Variants in ACOXL observed in about 807,000 individuals in gnomAD.
ACOXL encodes acyl-coenzyme A oxidase-like protein.
Under a neutral mutation model 71.9 loss-of-function variants are expected in ACOXL, and 70 were observed. The ratio of observed to expected loss-of-function variants is 0.97; its 90% CI spans 0.80 to 1.19. The LOEUF (loss-of-function observed/expected upper bound fraction) is 1.19, where lower values mean the gene tolerates loss of function less well. Ranked by LOEUF, ACOXL falls within the 50% of genes most tolerant of loss-of-function variation. The pLI, the probability that ACOXL is intolerant of heterozygous loss-of-function variation, is 0.00. For missense variants in ACOXL, 703 were observed against 736.3 expected (o/e 0.95, Z 0.52); for synonymous variants, 253 against 281.6 (o/e 0.90, Z 1.02).
intron 2 of ACOXL, among the ~76,000 whole-genome samples, chr2:110,778,872 A>G (rs896710079): frequency 2.0e-5 from 3 of 152,240 alleles, no homozygotes; most frequent in Non-Finnish European, 4.4e-5. Flanking sequence ...ATTAATTTCC[A>G]TTAAAATGAA....
chr2:110,814,326 G>A (rs1182867233), intron 9 of ACOXL, among the ~76,000 whole-genome samples: 2 of 152,140 alleles, frequency 1.3e-5, no homozygotes, highest in South Asian at 2.1e-4. Flanking sequence ...GGGATCAGGA[G>A]TAAGAGGGGA....
chr2:110,835,470 C>G (rs1444695902), intron 9 of ACOXL, among the ~76,000 whole-genome samples: 2 of 152,166 alleles, frequency 1.3e-5, no homozygotes, highest in Non-Finnish European at 2.9e-5. Context: ...CTTGAGGAAG[C>G]TGGCTGCATC....
chr2:110,762,411 T>G (rs1680523166), intron 1 of ACOXL, among the ~76,000 whole-genome samples: 2 of 151,932 alleles, frequency 1.3e-5, no homozygotes, highest in Non-Finnish European at 2.9e-5. Flanking sequence ...ATTTCTCTTA[T>G]TTTTTTTGTT....
At chr2:110,946,134 C>A (rs957984420) in intron 12 of ACOXL, among the ~76,000 whole-genome samples, 2 of 152,108 alleles carry the variant, frequency 1.3e-5, no homozygotes, top group African/African-American at 4.8e-5. Flanking sequence ...TAGCTTTATT[C>A]TTTTTGTGGC....
chr2:111,022,941 G>A (rs1429667546), intron 14 of ACOXL, among the ~76,000 whole-genome samples: 1 of 152,230 alleles, frequency 6.6e-6, no homozygotes, highest in Non-Finnish European at 1.5e-5. Context: ...GGTGGTTACT[G>A]GCTAGGCAGT....
intron 15 of ACOXL, among the ~76,000 whole-genome samples, chr2:111,048,676 T>A (rs1203093510): frequency 6.6e-6 from 1 of 152,138 alleles, no homozygotes; most frequent in East Asian, 1.9e-4. Context: ...CTCGTAAATC[T>A]TCTTGGGTTT....
At chr2:110,851,370 C>T (rs377438796) in intron 10 of ACOXL, among the ~76,000 whole-genome samples, 1 of 152,052 alleles carries the variant, frequency 6.6e-6, no homozygotes, top group African/African-American at 2.4e-5. Context: ...TTTCCAAGTG[C>T]TTCTGGGTAT....
At chr2:110,945,481 T>A (rs1454322247) in intron 12 of ACOXL, among the ~76,000 whole-genome samples, 1 of 152,176 alleles carries the variant, frequency 6.6e-6, no homozygotes, top group Non-Finnish European at 1.5e-5. Context: ...TTTTAGGTTT[T>A]ATATTTAATC....
intron 16 of ACOXL, among the ~76,000 whole-genome samples, chr2:111,056,314 A>T (rs914692092): frequency 3.3e-5 from 5 of 151,862 alleles, no homozygotes; most frequent in African/African-American, 4.8e-5. Flanking sequence ...GAAGCCCGGG[A>T]TACTTCACTC....
intron 14 of ACOXL, among the ~76,000 whole-genome samples, chr2:111,004,970 T>C (rs559420533): frequency 2.0e-5 from 3 of 152,226 alleles, no homozygotes; most frequent in Non-Finnish European, 4.4e-5. Context: ...TGTAGTTCTA[T>C]GAGGTAAGTC....
At chr2:111,004,509 A>G (rs1317302474) in intron 14 of ACOXL, among the ~76,000 whole-genome samples, 1 of 152,118 alleles carries the variant, frequency 6.6e-6, no homozygotes, top group Non-Finnish European at 1.5e-5. Context: ...TGGAGCCAGG[A>G]AATGCCCTTC....
At chr2:111,088,335 C>T (rs576079185) in intron 16 of ACOXL, among the ~76,000 whole-genome samples, 2 of 152,316 alleles carry the variant, frequency 1.3e-5, no homozygotes, top group South Asian at 2.1e-4. Context: ...CATAAGGATA[C>T]ATGCATGCCT....
intron 10 of ACOXL, among the ~76,000 whole-genome samples, chr2:110,862,097 C>T (rs879922105): frequency 2.6e-5 from 4 of 152,206 alleles, no homozygotes; most frequent in Non-Finnish European, 5.9e-5. Flanking sequence ...AATAGTGAGG[C>T]CTTCGAACCG....
chr2:110,810,639 T>TCATC (rs773348069), intron 9 of ACOXL, among the ~76,000 whole-genome samples: 6 of 152,006 alleles, frequency 3.9e-5, no homozygotes, highest in African/African-American at 4.8e-5. Context: ...CACCCATCCA[T>TCATC]CATCCATCCA....
chr2:111,107,397 A>G (rs2069619528), intron 17 of ACOXL, among the ~76,000 whole-genome samples: 1 of 152,220 alleles, frequency 6.6e-6, no homozygotes, highest in African/African-American at 2.4e-5. Context: ...TGTACTTAGT[A>G]GGAGAAATAG....
Position 110,831,781 on chromosome 2 carries a change from T to C in ACOXL, c.754-9590T>C, listed in dbSNP as rs1293504307. 2.0e-5 allele frequency among the ~76,000 whole-genome samples: 3 copies of C among 152,044 alleles called. No individual in the cohort carries two copies. In the East Asian group the frequency reaches 5.8e-4, roughly 29 times the overall value. ...CATCCCAGAAATAGAACCAAACCAATTGCCCGTTGATTCTTTACAAAGGTG... is the reference window on the plus strand; with the variant it reads ...CATCCCAGAAATAGAACCAAACCAACTGCCCGTTGATTCTTTACAAAGGTG... On this transcript the variant is annotated intron_variant, in intron 9 of 17. Transcript: ENST00000439055.
At chr2:110,772,214 C>G (rs1295187218) in intron 2 of ACOXL, among the ~76,000 whole-genome samples, 1 of 152,170 alleles carries the variant, frequency 6.6e-6, no homozygotes, top group African/African-American at 2.4e-5. Flanking sequence ...GATTCAAACC[C>G]AGGTGCTCTG....
intron 9 of ACOXL, among the ~76,000 whole-genome samples, chr2:110,806,887 G>C (rs776377345): frequency 7.2e-5 from 11 of 152,130 alleles, no homozygotes; most frequent in Non-Finnish European, 1.5e-4. Flanking sequence ...GCAAGGTGTG[G>C]GGTGGTGCAG....
At chr2:110,761,191 C>T (rs979872878) in intron 1 of ACOXL, among the ~76,000 whole-genome samples, 10 of 152,142 alleles carry the variant, frequency 6.6e-5, no homozygotes, top group Non-Finnish European at 1.2e-4. Context: ...TTAGTTACTA[C>T]TTTTTCTGTT....
Sources: gnomAD v4.1 joint callset for allele counts (sites outside exome capture counted in the v4.1 genomes callset) on GRCh38, gnomAD v4.1.1 for gene constraint, MANE v1.5 for transcripts, NCBI Gene and HGNC (gene_info 2026-07-23, HGNC 2026-07-21) for gene names.